The following EYS variants were observed in gnomAD, a reference collection of about 807,000 sequenced individuals.
The protein encoded by EYS is protein eyes shut homolog.
EYS carries 250 observed loss-of-function variants against 282.1 expected under a neutral mutation model. That is an observed-to-expected ratio of 0.89 (90% CI 0.80 to 0.98). The LOEUF (loss-of-function observed/expected upper bound fraction) is 0.98, where lower values mean the gene tolerates loss of function less well. Ranked by LOEUF, EYS falls within the 50% of genes least tolerant of loss-of-function variation. The probability of loss-of-function intolerance (pLI) is 0.00; values close to 1 mark genes in which losing one functional copy is unlikely to be tolerated. For synonymous variants in EYS, 1,355 were observed against 1,282.9 expected (o/e 1.06, Z -1.20); for missense variants, 4,016 against 3,709.0 (o/e 1.08, Z -2.15).
chr6:65,005,507 C>T lies in EYS; in HGVS notation c.2138-7804G>A, dbSNP rs1048991066. ...CCACCCGGTAACATTTTGGCGACCACGAAGGGACCTCCAAAGTGGTAATGT... is the reference window on the plus strand; with the variant it reads ...CCACCCGGTAACATTTTGGCGACCATGAAGGGACCTCCAAAGTGGTAATGT... On this transcript the variant is annotated intron_variant, in intron 13 of 42. Transcript: ENST00000503581. Among the ~76,000 whole-genome samples, 31 of 147,444 alleles carry T rather than the reference C, an allele frequency of 2.1e-4. 5 individuals are homozygous for T. The highest frequency in any genetic ancestry group is 3.9e-4 in the Non-Finnish European group (26 of 65,864).
At chr6:64,545,731 A>G (rs1279306971) in intron 26 of EYS, among the ~76,000 whole-genome samples, 1 of 152,190 alleles carries the variant, frequency 6.6e-6, no homozygotes, top group African/African-American at 2.4e-5. Context: ...CCAGTAACAG[A>G]CACACAAAGA....
intron 35 of EYS, 21 bp downstream of exon 35, chr6:63,984,362 A>AATCAGG: frequency 6.7e-7 from 1 of 1,489,818 alleles, no homozygotes; most frequent in South Asian, 1.2e-5. Flanking sequence ...GTAGGTTGGG[A>AATCAGG]ATCAGGAGAC....
At chr6:65,673,933 T>C (rs1324052840) in intron 1 of EYS, among the ~76,000 whole-genome samples, 1 of 151,418 alleles carries the variant, frequency 6.6e-6, no homozygotes, top group East Asian at 2.0e-4. Flanking sequence ...CAGGGGCAAA[T>C]CCCCAAGCTT....
chr6:64,119,841 A>C (rs928397933), intron 31 of EYS, among the ~76,000 whole-genome samples: 1 of 152,210 alleles, frequency 6.6e-6, no homozygotes, highest in Non-Finnish European at 1.5e-5. Context: ...ATTAAAGTGC[A>C]CCTTATTTTC....
chr6:64,381,491 AT>A lies in EYS; in HGVS notation c.6078+7198del, dbSNP rs537206023. Among the ~76,000 whole-genome samples the A allele has an allele frequency of 1.8e-4, 28 of 152,002 alleles. 1 individual carries two copies. In the South Asian group the frequency reaches 4.8e-3, roughly 26 times the overall value. On this transcript the variant is annotated intron_variant, in intron 29 of 42. Coordinates refer to ENST00000503581, the MANE Select transcript of EYS (RefSeq NM_001142800.2). ...ACTTTCTTTTTTTCTCTTCCATGTT[AT>A]TTTTTTGAGATGTATTCATGTTGAT...
At chr6:64,111,835 T>G (rs1309653688) in intron 31 of EYS, among the ~76,000 whole-genome samples, 1 of 152,054 alleles carries the variant, frequency 6.6e-6, no homozygotes, top group Non-Finnish European at 1.5e-5. Flanking sequence ...AATGAAAATT[T>G]AAATATATTA....
chr6:65,277,733 T>TGA (rs1768088914), intron 12 of EYS, among the ~76,000 whole-genome samples: 1 of 152,172 alleles, frequency 6.6e-6, no homozygotes, highest in Non-Finnish European at 1.5e-5. Context: ...TGACTTTACC[T>TGA]CCTTTTTAGA....
At chr6:63,798,987 GTATATATATA>G (rs56290982) in intron 37 of EYS, among the ~76,000 whole-genome samples, 9 of 85,754 alleles carry the variant, frequency 1.0e-4, no homozygotes, top group South Asian at 8.2e-4. Flanking sequence ...GTATATGTGT[GTATATATATA>G]TATATATATA....
At position 65,153,116 on chromosome 6, in the gene EYS, C is replaced by T. The variant is rs569270374; in HGVS notation, c.2024-95389G>A. ...AATATGCTACATAAGATTGTAACAT[C>T]CATCTCGCGAGATTAAGCTCTTCTC... On this transcript the variant is annotated intron_variant, in intron 12 of 42. Transcript: ENST00000503581. Among the ~76,000 whole-genome samples, 4 of 151,910 alleles carry T rather than the reference C, an allele frequency of 2.6e-5. No individual in the cohort carries two copies. The South Asian group carries it at 6.2e-4, about 24-fold the overall frequency.
chr6:65,158,294 G>A (rs1764774810), intron 12 of EYS, among the ~76,000 whole-genome samples: 1 of 150,838 alleles, frequency 6.6e-6, no homozygotes, highest in African/African-American at 2.4e-5. Context: ...GGTTCGACCA[G>A]GAGCTATTGC....
chr6:63,788,248 A>G lies in EYS; in HGVS notation c.7580T>C (p.Val2527Ala), dbSNP rs1261927567. Reference protein sequence around the residue: ...GKFFQEGWLKVDDHKNKSIIA... With the variant: ...GKFFQEGWLKADDHKNKSIIA... ...AATGGATTTATTTTTATGATCATCT[A>G]CCTTCGAAAGGGAAAAAAAACCTAT... Residue 2527 changes from valine (V) to alanine (A), a missense_variant and splice_region_variant, in exon 39 of 43, where the codon GTA (valine) becomes GCA (alanine). Physicochemically the swap from Val to Ala is moderately conservative, Grantham distance 64. Transcript: ENST00000503581. The G allele has an allele frequency of 6.5e-7, 1 of 1,528,804 alleles. No homozygotes were observed. Among genetic ancestry groups the G allele is most frequent in the Non-Finnish European group, 8.8e-7 (1 of 1,140,510 alleles). 94.7% of individuals were successfully genotyped at this position (1,528,804 alleles called of 1,614,324 possible).
intron 31 of EYS, among the ~76,000 whole-genome samples, chr6:64,129,647 T>G (rs1773900726): frequency 6.6e-6 from 1 of 152,200 alleles, no homozygotes; most frequent in Admixed American, 6.5e-5. Flanking sequence ...AGATCCCATT[T>G]GTCAATTTTG....
At chr6:64,247,893 C>A (rs1767068159) in intron 30 of EYS, among the ~76,000 whole-genome samples, 1 of 152,054 alleles carries the variant, frequency 6.6e-6, no homozygotes, top group Non-Finnish European at 1.5e-5. Context: ...CTAAAACTTC[C>A]TAAAATTTCT....
chr6:64,290,780 G>T (rs1413929473), intron 30 of EYS, among the ~76,000 whole-genome samples: 1 of 151,204 alleles, frequency 6.6e-6, no homozygotes, highest in East Asian at 2.0e-4. Flanking sequence ...ATACTTCATT[G>T]GTGAGAACTA....
intron 26 of EYS, among the ~76,000 whole-genome samples, chr6:64,477,576 G>A (rs1393843372): frequency 6.6e-5 from 10 of 151,884 alleles, no homozygotes; most frequent in South Asian, 2.1e-4. Flanking sequence ...CCTGACCCAC[G>A]GCCACCCTTT....
At chr6:64,595,929 C>G (rs1282682955) in intron 24 of EYS, among the ~76,000 whole-genome samples, 1 of 152,138 alleles carries the variant, frequency 6.6e-6, no homozygotes, top group Admixed American at 6.6e-5. Context: ...TTAATTGGCT[C>G]TCAGTTCTGC....
chr6:63,800,649 A>G (rs1770762076), intron 37 of EYS, among the ~76,000 whole-genome samples: 1 of 152,120 alleles, frequency 6.6e-6, no homozygotes, highest in African/African-American at 2.4e-5. Context: ...TAAAAATACA[A>G]AAAAACCTAG....
chr6:64,740,633 A>C (rs56242450), intron 22 of EYS, among the ~76,000 whole-genome samples: 1 of 151,984 alleles, frequency 6.6e-6, no homozygotes, highest in South Asian at 2.1e-4. Flanking sequence ...TGTGAGACAC[A>C]TTATCATACA....
intron 22 of EYS, among the ~76,000 whole-genome samples, chr6:64,701,901 T>C (rs1020190091): frequency 6.6e-6 from 1 of 151,850 alleles, no homozygotes; most frequent in Non-Finnish European, 1.5e-5. Flanking sequence ...ATAATAACTT[T>C]AAAATAGTCT....
Sources: gnomAD v4.1 joint callset for allele counts (sites outside exome capture counted in the v4.1 genomes callset) on GRCh38, gnomAD v4.1.1 for gene constraint, MANE v1.5 for transcripts, NCBI Gene and HGNC (gene_info 2026-07-23, HGNC 2026-07-21) for gene names.